Variants in CCNY observed in about 807,000 individuals in gnomAD.
CCNY encodes cyclin Y.
Under a neutral mutation model 42.8 loss-of-function variants are expected in CCNY, and 19 were observed. The observed-to-expected ratio is 0.44, with a 90% CI of 0.31 to 0.65. The LOEUF is 0.65. Ranked by LOEUF, CCNY falls within the 30% of genes least tolerant of loss-of-function variation. The probability of loss-of-function intolerance (pLI) is 0.07; values close to 1 mark genes in which losing one functional copy is unlikely to be tolerated. For synonymous variants in CCNY, 165 were observed against 162.7 expected, an observed-to-expected ratio of 1.01 and a Z score of -0.11; for missense variants, 370 against 437.3, an observed-to-expected ratio of 0.85 and a Z score of 1.37.
chr10:35,509,937 G>A (rs1472135711), intron 3 of CCNY, among the ~76,000 whole-genome samples: 1 of 152,154 alleles, frequency 6.6e-6, no homozygotes, highest in Non-Finnish European at 1.5e-5. Context: ...GAGTTCAGCA[G>A]GTGGCAGGTG....
At chr10:35,266,697 T>C (rs775754475) in intron 3 of CCNY, among the ~76,000 whole-genome samples, 1 of 152,142 alleles carries the variant, frequency 6.6e-6, no homozygotes, top group Non-Finnish European at 1.5e-5. Flanking sequence ...AAGGGTGTCA[T>C]TAAGCGTTCT....
At chr10:35,562,558 A>T (rs1841486855) in intron 8 of CCNY, among the ~76,000 whole-genome samples, 1 of 152,202 alleles carries the variant, frequency 6.6e-6, no homozygotes, top group African/African-American at 2.4e-5. Context: ...CACAAGTGGG[A>T]TCATACAGTC....
At chr10:35,384,913 C>A (rs1837271349) in intron 1 of CCNY, among the ~76,000 whole-genome samples, 1 of 152,210 alleles carries the variant, frequency 6.6e-6, no homozygotes, top group African/African-American at 2.4e-5. Flanking sequence ...GGTCCATACC[C>A]ACATTTGCCT....
intron 3 of CCNY, among the ~76,000 whole-genome samples, chr10:35,267,883 T>C (rs890255096): frequency 6.6e-6 from 1 of 152,152 alleles, no homozygotes; most frequent in Non-Finnish European, 1.5e-5. Flanking sequence ...ATTTTTGAGA[T>C]GGGGTGTTGT....
intron 1 of CCNY, among the ~76,000 whole-genome samples, chr10:35,367,060 T>G (rs1836824343): frequency 1.3e-5 from 2 of 152,210 alleles, no homozygotes; most frequent in South Asian, 4.1e-4. Context: ...TTGATTGACT[T>G]GGTGTGGAAA....
chr10:35,277,921 C>T (rs537085387), intron 3 of CCNY, among the ~76,000 whole-genome samples: 11 of 152,186 alleles, frequency 7.2e-5, no homozygotes, highest in South Asian at 4.1e-4. Context: ...TAAAAGGCCA[C>T]GCAATGAGTT....
chr10:35,488,849 A>G (rs574398366), intron 2 of CCNY, among the ~76,000 whole-genome samples: 10 of 152,218 alleles, frequency 6.6e-5, no homozygotes, highest in Non-Finnish European at 1.2e-4. Flanking sequence ...TGCTCCTAAC[A>G]GTTGGAAATT....
intron 1 of CCNY, among the ~76,000 whole-genome samples, chr10:35,447,097 G>A (rs1838807058): frequency 6.6e-6 from 1 of 152,218 alleles, no homozygotes; most frequent in Admixed American, 6.5e-5. Context: ...CTAATACGGT[G>A]AAACCCCGTC....
At chr10:35,309,298 C>A (rs1835652950) in intron 3 of CCNY, among the ~76,000 whole-genome samples, 1 of 152,166 alleles carries the variant, frequency 6.6e-6, no homozygotes, top group Admixed American at 6.5e-5. Flanking sequence ...TCACTCAGGT[C>A]CTGTGAGGAA....
rs565017717 is a variant in CCNY, at chr10:35,500,916, G to A, written c.230-585G>A. On this transcript the variant is annotated intron_variant, in intron 2 of 9. Coordinates refer to ENST00000374704, the MANE Select transcript of CCNY (RefSeq NM_145012.6). ...AGCAGTATCAATTATGGTGACCTCT[G>A]TCAGCCTTATGGGGTTGGGGTTGGG... Among the ~76,000 whole-genome samples, 6 of 152,286 alleles carry A rather than the reference G, an allele frequency of 3.9e-5. No individual in the cohort carries two copies. The South Asian group carries it at 1.2e-3, about 32-fold the overall frequency.
chr10:35,338,034 T>TA (rs1451933944), intron 1 of CCNY, among the ~76,000 whole-genome samples: 4 of 152,258 alleles, frequency 2.6e-5, no homozygotes, highest in Non-Finnish European at 5.9e-5. Context: ...GGGATATTTA[T>TA]GCATCATGCT....
chr10:35,455,605 T>A (rs1007880195), intron 1 of CCNY: 2 of 152,146 alleles, frequency 1.3e-5, no homozygotes, highest in African/African-American at 4.8e-5. Context: ...ATCTTCGACA[T>A]GACCGAACAT....
chr10:35,261,239 A>AAATT (rs1554963507), intron 3 of CCNY, among the ~76,000 whole-genome samples: 3 of 132,194 alleles, frequency 2.3e-5, no homozygotes, highest in African/African-American at 2.8e-5. Flanking sequence ...AAAAAAAAAA[A>AAATT]TTTTTTTTTT....
intron 1 of CCNY, among the ~76,000 whole-genome samples, chr10:35,362,052 A>C (rs571923782): frequency 6.6e-6 from 1 of 152,226 alleles, no homozygotes; most frequent in Non-Finnish European, 1.5e-5. Flanking sequence ...TTATGTGTAT[A>C]AGGTGAATGT....
At chr10:35,368,947 T>C (rs1165722293) in intron 1 of CCNY, among the ~76,000 whole-genome samples, 1 of 152,200 alleles carries the variant, frequency 6.6e-6, no homozygotes, top group Non-Finnish European at 1.5e-5. Flanking sequence ...TGAGATCTTA[T>C]CACTATTTGG....
intron 3 of CCNY, among the ~76,000 whole-genome samples, chr10:35,506,733 A>G (rs1840223157): frequency 1.3e-5 from 2 of 151,470 alleles, no homozygotes; most frequent in African/African-American, 4.9e-5. Context: ...AAGACACACA[A>G]GTGACGGGGC....
At position 35,571,727 on chromosome 10, in the gene CCNY, G is replaced by A. The variant is rs898722012; in HGVS notation, c.*2557G>A. On this transcript the variant is annotated 3_prime_UTR_variant, in exon 10 of 10. Transcript: ENST00000374704. ...CCAGTACAGTACTTACTGATAAATC[G>A]TAGTGACTGTAATTTGTTTGTAAGG... The A allele has an allele frequency of 2.6e-5, 4 of 152,254 alleles. No individual in the cohort carries two copies. The highest frequency in any genetic ancestry group is 5.9e-5 in the Non-Finnish European group (4 of 68,024). The allele number at this position is 152,254 out of a possible 1,614,324, so 9.4% of individuals were successfully genotyped here. A position where few individuals can be genotyped will look rare whatever the true frequency, so the allele number is the denominator to read the frequency against.
chr10:35,461,883 T>C (rs1221432812), intron 1 of CCNY, among the ~76,000 whole-genome samples: 2 of 152,196 alleles, frequency 1.3e-5, no homozygotes, highest in Non-Finnish European at 2.9e-5. Context: ...GAGTCCAGCC[T>C]GCATACGTAA....
chr10:35,352,850 C>T (rs1046134130), intron 1 of CCNY, among the ~76,000 whole-genome samples: 2 of 152,046 alleles, frequency 1.3e-5, no homozygotes, highest in East Asian at 1.9e-4. Context: ...AGGCAGAGGC[C>T]GGTAAGGCCA....
Sources: gnomAD v4.1 joint callset for allele counts (sites outside exome capture counted in the v4.1 genomes callset) on GRCh38, gnomAD v4.1.1 for gene constraint, MANE v1.5 for transcripts, NCBI Gene and HGNC (gene_info 2026-07-23, HGNC 2026-07-21) for gene names.